Variants in TRPM3 observed in about 807,000 individuals in gnomAD.
TRPM3 encodes the protein transient receptor potential cation channel subfamily M member 3, also known as long transient receptor potential channel 3.
In TRPM3, 77 loss-of-function variants were observed where a neutral mutation model predicts 181.2. The observed-to-expected ratio is 0.42, with a 90% CI of 0.35 to 0.51. TRPM3 has a LOEUF of 0.51. Ranked by LOEUF, TRPM3 falls within the 20% of genes least tolerant of loss-of-function variation. TRPM3 has a pLI of 0.01. For missense variants in TRPM3, 1,759 were observed against 2,196.7 expected (o/e 0.80, Z 3.98); for synonymous variants, 745 against 796.4 (o/e 0.94, Z 1.09).
At chr9:71,330,374 T>G (rs1302852797) in intron 1 of TRPM3, among the ~76,000 whole-genome samples, 1 of 151,852 alleles carries the variant, frequency 6.6e-6, no homozygotes, top group Non-Finnish European at 1.5e-5. Context: ...ATAATCATTG[T>G]ATAGATTCAC....
At chr9:70,937,065 A>G (rs1441789652) in intron 1 of TRPM3, among the ~76,000 whole-genome samples, 2 of 152,228 alleles carry the variant, frequency 1.3e-5, no homozygotes, top group East Asian at 3.8e-4. Context: ...TGAGCTGAAA[A>G]TAGTCTTACA....
At chr9:70,931,141 C>G (rs898138387) in intron 1 of TRPM3, among the ~76,000 whole-genome samples, 1 of 151,954 alleles carries the variant, frequency 6.6e-6, no homozygotes, top group Non-Finnish European at 1.5e-5. Flanking sequence ...AATGTTCAGG[C>G]TCTGCACAGA....
At chr9:70,587,474 G>A (rs533512452) in intron 22 of TRPM3, among the ~76,000 whole-genome samples, 4 of 152,288 alleles carry the variant, frequency 2.6e-5, no homozygotes, top group African/African-American at 9.6e-5. Flanking sequence ...GCCAACAAAG[G>A]TGCACTTCTA....
At chr9:70,695,268 C>T (rs745906722) in intron 8 of TRPM3, among the ~76,000 whole-genome samples, 2 of 152,224 alleles carry the variant, frequency 1.3e-5, no homozygotes, top group Admixed American at 6.5e-5. Context: ...CCTCTCTGAG[C>T]TTTGGGGTTT....
chr9:70,974,976 T>A (rs2097288889), intron 1 of TRPM3, among the ~76,000 whole-genome samples: 1 of 150,094 alleles, frequency 6.7e-6, no homozygotes. Flanking sequence ...TAAGCCATCC[T>A]CCTTCCTCAG....
At chr9:71,443,456 CT>C (rs2094161360) in intron 1 of TRPM3, among the ~76,000 whole-genome samples, 1 of 152,206 alleles carries the variant, frequency 6.6e-6, no homozygotes, top group African/African-American at 2.4e-5. Flanking sequence ...ACAGCTGCCC[CT>C]TCCTTCAGCT....
chr9:70,875,784 A>G (rs1433494728), intron 1 of TRPM3, among the ~76,000 whole-genome samples: 1 of 151,962 alleles, frequency 6.6e-6, no homozygotes, highest in Non-Finnish European at 1.5e-5. Flanking sequence ...GGAGGAACTG[A>G]TAACAAATCA....
At chr9:71,249,809 C>A (rs1236546547) in intron 1 of TRPM3, among the ~76,000 whole-genome samples, 3 of 151,980 alleles carry the variant, frequency 2.0e-5, no homozygotes, top group Non-Finnish European at 4.4e-5. Flanking sequence ...GAACAGAAAG[C>A]AACGCAGACC....
At chr9:71,135,337 T>C (rs763875840) in intron 1 of TRPM3, among the ~76,000 whole-genome samples, 2 of 152,178 alleles carry the variant, frequency 1.3e-5, no homozygotes, top group South Asian at 4.1e-4. Context: ...GAGATTCAAT[T>C]ACATATAACA....
At chr9:70,978,055 C>T (rs1169984405) in intron 1 of TRPM3, among the ~76,000 whole-genome samples, 1 of 152,174 alleles carries the variant, frequency 6.6e-6, no homozygotes, top group Non-Finnish European at 1.5e-5. Context: ...AATCATGCCT[C>T]GGTCCTTCTG....
chr9:71,215,047 C>A (rs28712633), intron 1 of TRPM3, among the ~76,000 whole-genome samples: 10,702 of 109,544 alleles, frequency 0.098, 292 homozygotes, highest in Middle Eastern at 0.14. Context: ...AAAAAAAAAA[C>A]AAAAAAAAAA....
intron 1 of TRPM3, among the ~76,000 whole-genome samples, chr9:71,080,057 C>T (rs978590479): frequency 6.6e-6 from 1 of 151,920 alleles, no homozygotes; most frequent in East Asian, 1.9e-4. Context: ...GTAATTCCAG[C>T]GACTTGAGAG....
At chr9:71,246,431 A>C (rs1262671646) in intron 1 of TRPM3, among the ~76,000 whole-genome samples, 2 of 152,208 alleles carry the variant, frequency 1.3e-5, no homozygotes, top group African/African-American at 4.8e-5. Flanking sequence ...AAAATTATTT[A>C]AGGTGTGTCC....
intron 1 of TRPM3, among the ~76,000 whole-genome samples, chr9:71,342,388 A>G (rs2091019666): frequency 6.6e-6 from 1 of 151,260 alleles, no homozygotes; most frequent in South Asian, 2.1e-4. Flanking sequence ...ATGCCCAAAT[A>G]GAAAAGACTG....
Position 70,827,866 on chromosome 9 carries a change from T to C in TRPM3, c.954A>G (p.Ser318=). 6.2e-7 allele frequency: 1 copy of C among 1,613,882 alleles called. No homozygotes were observed. The highest frequency in any genetic ancestry group is 1.1e-5 in the South Asian group (1 of 91,048). ...KLRRQLEKHI[S]LQKINTRIGQ... ...ACTTACTTGTGTTTATCTTCTGGAG[T>C]GAAATATGCTTTTCCAGTTGTCTTC... The change falls in exon 6 of 26, where the codon TCA becomes TCG. Residue 318 remains serine (S), a synonymous_variant. Transcript: ENST00000677713.
At chr9:70,831,109 A>G (rs1408353649) in intron 5 of TRPM3, among the ~76,000 whole-genome samples, 2 of 152,168 alleles carry the variant, frequency 1.3e-5, no homozygotes, top group African/African-American at 4.8e-5. Flanking sequence ...CTGATTACTG[A>G]AAAGTTAGAA....
intron 6 of TRPM3, chr9:70,811,155 A>G (rs2091953437): frequency 6.3e-7 from 1 of 1,592,558 alleles, no homozygotes; most frequent in African/African-American, 1.3e-5. Context: ...CACATTTTCC[A>G]TTAATTATAC....
At position 70,799,448 on chromosome 9, in the gene TRPM3, T is replaced by C. The variant is rs139755735; in HGVS notation, c.974-15169A>G. ...GAGAAAAATAACTTGTTAAGTCTAA[T>C]CTGATCGAATCTTTCCTGTGACTAA... On this transcript the variant is annotated intron_variant, in intron 6 of 25. Coordinates refer to ENST00000677713, the MANE Select transcript of TRPM3 (RefSeq NM_001366145.2). Among the ~76,000 whole-genome samples the C allele has an allele frequency of 3.1e-3, 472 of 152,354 alleles. 6 individuals carry two copies. Among genetic ancestry groups the C allele is most frequent in the African/African-American group, 0.011 (451 of 41,590 alleles).
intron 3 of TRPM3, among the ~76,000 whole-genome samples, chr9:70,848,109 A>G (rs532497677): frequency 2.6e-5 from 4 of 152,330 alleles, no homozygotes; most frequent in African/African-American, 9.6e-5. Flanking sequence ...TAATATGTTA[A>G]AAAGCATAAA....
Sources: allele counts gnomAD v4.1 joint callset (sites outside exome capture counted in the v4.1 genomes callset), GRCh38; gene constraint gnomAD v4.1.1; transcripts MANE v1.5; gene names NCBI Gene and HGNC (gene_info 2026-07-23, HGNC 2026-07-21).